FAM163B: variants seen among roughly 807,000 people sequenced by gnomAD.
FAM163B encodes protein FAM163B.
Under a neutral mutation model 7.6 loss-of-function variants are expected in FAM163B, and 4 were observed. The observed-to-expected ratio is 0.52, with a 90% confidence interval of 0.26 to 1.20. The LOEUF (loss-of-function observed/expected upper bound fraction) is 1.20. FAM163B is among the 50% of genes most tolerant of loss of function. The pLI, the probability that FAM163B is intolerant of heterozygous loss-of-function variation, is 0.14. For missense variants in FAM163B, 250 were observed against 243.0 expected (o/e 1.03, Z -0.19); for synonymous variants, 120 against 111.6 (o/e 1.07, Z -0.47).
chr9:133,585,021 C>G (rs7864991), intron 1 of FAM163B, among the ~76,000 whole-genome samples: 21,921 of 152,272 alleles, frequency 0.14, 1,962 homozygotes, highest in East Asian at 0.48. Flanking sequence ...CGGGTTTTTA[C>G]AGGGACAGGT....
chr9:133,602,400 T>A (rs1325129413), intron 1 of FAM163B, among the ~76,000 whole-genome samples: 1 of 111,138 alleles, frequency 9.0e-6, no homozygotes, highest in Non-Finnish European at 1.8e-5. Context: ...GTTCAGAGCA[T>A]CTGGCTGGTT....
rs139619414 is a variant in FAM163B at position 133,597,278 on chromosome 9, C to T, written c.-24+11799G>A. On this transcript the variant is annotated intron_variant, in intron 1 of 2. Transcript: ENST00000673969. ...AAAACTTGAGCATATGAAGTAGAGA[C>T]ATAGAAGATAGGAAAAAGAACCAAC... 2.8e-3 allele frequency among the ~76,000 whole-genome samples: 433 copies of T among 152,152 alleles called. 5 individuals carry two copies. The highest frequency in any genetic ancestry group is 9.7e-3 in the African/African-American group (402 of 41,480).
intron 1 of FAM163B, among the ~76,000 whole-genome samples, chr9:133,605,164 G>C (rs1232940017): frequency 6.6e-6 from 1 of 152,240 alleles, no homozygotes; most frequent in Non-Finnish European, 1.5e-5. Flanking sequence ...AGCTGGCCTG[G>C]AAGAGGTTTT....
intron 1 of FAM163B, among the ~76,000 whole-genome samples, chr9:133,587,974 G>C (rs1244354698): frequency 6.7e-6 from 1 of 149,602 alleles, no homozygotes; most frequent in African/African-American, 2.5e-5. Flanking sequence ...CGAACGGGGG[G>C]CGAGCCTGGG....
chr9:133,593,229 G>T (rs980129796), intron 1 of FAM163B, among the ~76,000 whole-genome samples: 8 of 152,252 alleles, frequency 5.3e-5, no homozygotes, highest in Non-Finnish European at 7.3e-5. Context: ...CCAGCAGGAG[G>T]CAGACTCTCC....
chr9:133,584,304 G>A (rs1048955521), intron 1 of FAM163B, among the ~76,000 whole-genome samples: 4 of 152,118 alleles, frequency 2.6e-5, no homozygotes, highest in Non-Finnish European at 5.9e-5. Flanking sequence ...ACGAGTCTGC[G>A]GGGCCTCTGT....
chr9:133,579,330 C>T lies in FAM163B; in HGVS notation c.193G>A (p.Val65Met). 3.1e-6 allele frequency: 5 copies of T among 1,613,688 alleles called. No individual in the cohort carries two copies. Among genetic ancestry groups the T allele is most frequent in the Non-Finnish European group, 4.2e-6 (5 of 1,179,946 alleles). The change falls in exon 3 of 3, where the codon GTG becomes ATG. Residue 65 changes from valine (V) to methionine (M), a missense_variant. Physicochemically the swap from Val to Met is conservative, Grantham distance 21. Transcript: ENST00000673969. ...TAGAGCGCCGGCCCGTTGGTCAGCA[C>T]CAGGTTGCGGTTGGAGTGCAGCGGG... ...LPPLHSNRNL[V>M]LTNGPALYPT...
At chr9:133,595,807 A>G (rs1831624084) in intron 1 of FAM163B, among the ~76,000 whole-genome samples, 1 of 152,064 alleles carries the variant, frequency 6.6e-6, no homozygotes, top group Non-Finnish European at 1.5e-5. Flanking sequence ...TTGGCATATT[A>G]TATGTTCATT....
intron 1 of FAM163B, among the ~76,000 whole-genome samples, chr9:133,604,891 TC>T (rs1831771202): frequency 6.6e-6 from 1 of 152,204 alleles, no homozygotes; most frequent in Non-Finnish European, 1.5e-5. Flanking sequence ...AGGACGGTTC[TC>T]CAGAGACCCG....
intron 1 of FAM163B, among the ~76,000 whole-genome samples, chr9:133,593,993 G>A (rs1046707324): frequency 1.3e-5 from 2 of 152,224 alleles, no homozygotes; most frequent in Non-Finnish European, 2.9e-5. Context: ...GGAGATGACA[G>A]GGGTGGACCG....
intron 1 of FAM163B, among the ~76,000 whole-genome samples, chr9:133,604,001 G>A (rs1268119814): frequency 1.3e-5 from 2 of 152,044 alleles, no homozygotes; most frequent in Non-Finnish European, 2.9e-5. Context: ...CACCACGCCC[G>A]GCTCTCTTTT....
intron 1 of FAM163B, among the ~76,000 whole-genome samples, chr9:133,590,885 T>C (rs541664671): frequency 9.2e-5 from 14 of 152,202 alleles, no homozygotes; most frequent in African/African-American, 3.4e-4. Context: ...TGGGGCCAGG[T>C]TGAGAAAGAA....
chr9:133,588,167 T>G (rs1276632535), intron 1 of FAM163B, among the ~76,000 whole-genome samples: 2 of 152,198 alleles, frequency 1.3e-5, no homozygotes, highest in African/African-American at 4.8e-5. Context: ...TTGCAGACCC[T>G]GTTCAAAAAT....
chr9:133,599,635 TAA>T (rs1027823709), intron 1 of FAM163B, among the ~76,000 whole-genome samples: 10 of 150,774 alleles, frequency 6.6e-5, no homozygotes, highest in Non-Finnish European at 8.8e-5. Context: ...CATGTATGTG[TAA>T]GTGTGCATGT....
At chr9:133,585,330 G>C (rs1005984051) in intron 1 of FAM163B, among the ~76,000 whole-genome samples, 1 of 152,158 alleles carries the variant, frequency 6.6e-6, no homozygotes, top group Non-Finnish European at 1.5e-5. Context: ...GAGACCCCCT[G>C]CTAACCACCA....
At chr9:133,588,986 G>A (rs1831495032) in intron 1 of FAM163B, among the ~76,000 whole-genome samples, 1 of 152,056 alleles carries the variant, frequency 6.6e-6, no homozygotes, top group African/African-American at 2.4e-5. Flanking sequence ...AGAAGCTCGT[G>A]GTTCAGGCCC....
Position 133,579,159 on chromosome 9 carries a change from G to T in FAM163B, c.364C>A (p.Leu122Ile). ...TCCTCCTGGCTCACGCTCTTGTAGAGCACGCGCTCCCCGCCGTTCAGCACG... is the reference window on the plus strand; with the variant it reads ...TCCTCCTGGCTCACGCTCTTGTAGATCACGCGCTCCCCGCCGTTCAGCACG... ...EDVLNGGERV[L>I]YKSVSQEDVE... The change falls in exon 3 of 3, where the codon CTC (leucine) becomes ATC (isoleucine). Residue 122 changes from leucine to isoleucine, a missense_variant. Physicochemically the swap from Leu to Ile is conservative, Grantham distance 5. Coordinates refer to ENST00000673969, the MANE Select transcript of FAM163B (RefSeq NM_001080515.3). 1.2e-6 allele frequency: 2 copies of T among 1,610,530 alleles called. No homozygotes were observed. Among genetic ancestry groups the T allele is most frequent in the Non-Finnish European group, 1.7e-6 (2 of 1,179,792 alleles).
intron 1 of FAM163B, among the ~76,000 whole-genome samples, chr9:133,598,622 G>GGAGA (rs1831666323): frequency 6.6e-6 from 1 of 151,384 alleles, no homozygotes; most frequent in Non-Finnish European, 1.5e-5. Context: ...AGGGAGGGAG[G>GGAGA]GAGAGAGGGA....
chr9:133,607,653 T>C (rs934404259), intron 1 of FAM163B, among the ~76,000 whole-genome samples: 5 of 152,156 alleles, frequency 3.3e-5, no homozygotes, highest in Admixed American at 6.5e-5. Context: ...GCCGGCCCCA[T>C]TGGAAACTCA....
Sources: gnomAD v4.1 joint callset for allele counts (sites outside exome capture counted in the v4.1 genomes callset) on GRCh38, gnomAD v4.1.1 for gene constraint, MANE v1.5 for transcripts, NCBI Gene and HGNC (gene_info 2026-07-23, HGNC 2026-07-21) for gene names.